PPIL2: variants seen among roughly 807,000 people sequenced by gnomAD.
PPIL2 encodes RING-type E3 ubiquitin-protein ligase PPIL2.
A neutral mutation model predicts 75.2 loss-of-function variants in PPIL2; 50 were observed. The ratio of observed to expected loss-of-function variants is 0.66; its 90% CI spans 0.53 to 0.84. The LOEUF (loss-of-function observed/expected upper bound fraction) is 0.84, where lower values mean the gene tolerates loss of function less well. PPIL2 is among the 40% of genes least tolerant of loss of function. PPIL2 has a pLI of 0.00. For synonymous variants in PPIL2, 245 were observed against 258.8 expected (o/e 0.95, Z 0.51); for missense variants, 590 against 685.0 (o/e 0.86, Z 1.55).
chr22:21,695,579 T>A lies in PPIL2; in HGVS notation c.*89T>A. On this transcript the variant is annotated 3_prime_UTR_variant, in exon 20 of 20. Transcript: ENST00000398831. ...CATTTCCAGCCTTTCTAGCCTGCCC[T>A]CTGCTGCCAGCCAATAAATTGCTTG... The A allele has an allele frequency of 6.5e-7, 1 of 1,533,950 alleles. No individual in the cohort carries two copies. Among genetic ancestry groups the A allele is most frequent in the Non-Finnish European group, 8.8e-7 (1 of 1,138,788 alleles).
intron 4 of PPIL2, 63 bp downstream of exon 4, chr22:21,671,122 G>GGA (rs1294973965): frequency 6.6e-7 from 1 of 1,512,828 alleles, no homozygotes; most frequent in Non-Finnish European, 9.2e-7. Context: ...TTAAGGAAGG[G>GGA]GACCCTTGGT....
intron 15 of PPIL2, among the ~76,000 whole-genome samples, chr22:21,692,760 C>T (rs535271727): frequency 1.3e-5 from 2 of 151,520 alleles, no homozygotes; most frequent in South Asian, 4.2e-4. Context: ...CCCGTCTCTA[C>T]TAAAAATGCA....
At chr22:21,683,850 T>C (rs965870766) in intron 9 of PPIL2, among the ~76,000 whole-genome samples, 1 of 152,162 alleles carries the variant, frequency 6.6e-6, no homozygotes, top group African/African-American at 2.4e-5. Flanking sequence ...GAATGGGTGA[T>C]TTCACATCTG....
Position 21,666,045 on chromosome 22 carries a change from C to CT in PPIL2, c.-54dup. 1.3e-6 allele frequency: 2 copies of CT among 1,599,670 alleles called. No homozygotes were observed. Among genetic ancestry groups the CT allele is most frequent in the Non-Finnish European group, 1.7e-6 (2 of 1,171,642 alleles). Reference sequence around the variant, plus strand: ...CGGAACTCGGCTGCGGCTCCATGGTCTGAGTTGTCAGCCGTTGTTTTTTCG... The same window carrying CT: ...CGGAACTCGGCTGCGGCTCCATGGTCTTGAGTTGTCAGCCGTTGTTTTTTCG... On this transcript the variant is annotated 5_prime_UTR_variant, in exon 1 of 20. It removes the in-frame stop codon of an upstream open reading frame in the 5' UTR. Transcript: ENST00000398831.
At position 21,686,905 on chromosome 22, in the gene PPIL2, G is replaced by C; in HGVS notation, c.804G>C (p.Glu268Asp). Reference sequence around the variant, plus strand: ...CTTGGCTTGTAGCTGCCATCGACGAGGATGTGCTGCGCTACCAGTTTGTGA... The same window carrying C: ...CTTGGCTTGTAGCTGCCATCGACGACGATGTGCTGCGCTACCAGTTTGTGA... Reference protein sequence around the residue: ...ETTHEAAAIDEDVLRYQFVKK... With the variant: ...ETTHEAAAIDDDVLRYQFVKK... Residue 268 changes from glutamate to aspartate, a missense_variant, in exon 12 of 20, where the codon GAG becomes GAC. Glu to Asp is a conservative substitution (Grantham distance 45). Transcript: ENST00000398831. The C allele has an allele frequency of 1.2e-6, 2 of 1,614,074 alleles. No homozygotes were observed. Among genetic ancestry groups the C allele is most frequent in the Non-Finnish European group, 1.7e-6 (2 of 1,180,016 alleles).
intron 4 of PPIL2, among the ~76,000 whole-genome samples, chr22:21,672,109 A>G (rs536010645): frequency 2.0e-5 from 3 of 152,352 alleles, no homozygotes; most frequent in Admixed American, 2.0e-4. Context: ...TTTGTTGTTT[A>G]TACATAACTA....
intron 2 of PPIL2, chr22:21,670,284 T>A: frequency 1.4e-6 from 2 of 1,423,932 alleles, no homozygotes; most frequent in Non-Finnish European, 1.9e-6. Flanking sequence ...ATAAAAAGAA[T>A]GATAATATTT....
intron 5 of PPIL2, 59 bp downstream of exon 5, chr22:21,672,440 T>G: frequency 1.3e-6 from 2 of 1,505,758 alleles, no homozygotes; most frequent in Non-Finnish European, 1.8e-6. Flanking sequence ...TCACTTCTCC[T>G]TTTGTTCTGG....
chr22:21,681,245 G>T (rs995232037), intron 6 of PPIL2, 54 bp from the exon 7 acceptor site: 2 of 1,443,202 alleles, frequency 1.4e-6, no homozygotes, highest in African/African-American at 2.8e-5. Context: ...TCCTCACTGG[G>T]ATGTTCACAG....
intron 6 of PPIL2, among the ~76,000 whole-genome samples, chr22:21,680,752 C>A (rs1295944646): frequency 1.4e-5 from 2 of 140,834 alleles, no homozygotes; most frequent in Admixed American, 7.9e-5. Flanking sequence ...ATGGCGTGAA[C>A]CTGGGAGGCG....
At chr22:21,685,048 A>G in intron 10 of PPIL2, 135 bp downstream of exon 10, 2 of 1,250,410 alleles carry the variant, frequency 1.6e-6, no homozygotes, top group South Asian at 1.5e-5. Context: ...GATCCCCCAG[A>G]GCTGTGGTGC....
chr22:21,690,048 C>G (rs370481943), intron 15 of PPIL2, among the ~76,000 whole-genome samples: 2 of 152,102 alleles, frequency 1.3e-5, no homozygotes, highest in Non-Finnish European at 2.9e-5. Context: ...CTGCATGTTA[C>G]GAGCAGGGCT....
chr22:21,676,764 C>T (rs1258578531), intron 6 of PPIL2, among the ~76,000 whole-genome samples: 3 of 152,354 alleles, frequency 2.0e-5, no homozygotes, highest in African/African-American at 7.2e-5. Flanking sequence ...CTTGTTTCTA[C>T]ACAGACACAG....
In PPIL2 at chr22:21,694,681, G is replaced by A. The variant is rs183531917; in HGVS notation, c.1269+16G>A. On this transcript the variant is annotated intron_variant, in intron 17 of 19. Coordinates refer to ENST00000398831, the MANE Select transcript of PPIL2 (RefSeq NM_014337.4). Reference sequence around the variant, plus strand: ...CCGCCCTAAGGTCTGTGCCCAGGGAGGTGGGGCGTGGCGGCTGGGGGCCAG... The same window carrying A: ...CCGCCCTAAGGTCTGTGCCCAGGGAAGTGGGGCGTGGCGGCTGGGGGCCAG... 6.2e-7 allele frequency: 1 copy of A among 1,613,910 alleles called. No homozygotes were observed. Among genetic ancestry groups the A allele is most frequent in the Non-Finnish European group, 8.5e-7 (1 of 1,179,958 alleles).
At chr22:21,679,063 A>G (rs1364523002) in intron 6 of PPIL2, among the ~76,000 whole-genome samples, 1 of 151,276 alleles carries the variant, frequency 6.6e-6, no homozygotes, top group Non-Finnish European at 1.5e-5. Flanking sequence ...CACCTGGCTA[A>G]TTTTGTATTT....
chr22:21,670,144 G>T, intron 2 of PPIL2, 182 bp downstream of exon 2: 1 of 874,758 alleles, frequency 1.1e-6, no homozygotes, highest in Non-Finnish European at 1.7e-6. Context: ...CTTCATCTTA[G>T]TGGTGATTTT....
chr22:21,669,658 C>T (rs895556128), intron 1 of PPIL2, among the ~76,000 whole-genome samples: 1 of 152,168 alleles, frequency 6.6e-6, no homozygotes, highest in African/African-American at 2.4e-5. Flanking sequence ...CACCACCATG[C>T]CCAGCTAATT....
Position 21,696,056 on chromosome 22 carries a change from T to A in PPIL2, c.*566T>A. The stretch of plus-strand genomic sequence containing the variant: ...GGACAGCCTATTTATACAACCAGTG[T>A]GGTCCCCTGACCAACGCCATTACCT... On this transcript the variant is annotated 3_prime_UTR_variant, in exon 20 of 20. Transcript: ENST00000398831. 1.4e-6 allele frequency: 1 copy of A among 693,696 alleles called. No individual in the cohort carries two copies. The highest frequency in any genetic ancestry group is 1.8e-6 in the Non-Finnish European group (1 of 558,788). 43.0% of individuals were successfully genotyped at this position (693,696 alleles called of 1,614,324 possible).
At chr22:21,669,717 C>G (rs1025088343) in intron 1 of PPIL2, among the ~76,000 whole-genome samples, 196 bp from the exon 2 acceptor site, 4 of 152,180 alleles carry the variant, frequency 2.6e-5, no homozygotes, top group African/African-American at 9.7e-5. Context: ...CCAGGCTTGT[C>G]TTAAACTTCT....
Sources: allele counts gnomAD v4.1 joint callset (sites outside exome capture counted in the v4.1 genomes callset), GRCh38; gene constraint gnomAD v4.1.1; transcripts MANE v1.5; gene names NCBI Gene and HGNC (gene_info 2026-07-23, HGNC 2026-07-21).